The following SLC1A2 variants were observed in gnomAD, a reference collection of about 807,000 sequenced individuals.
SLC1A2 encodes the protein solute carrier family 1 member 2.
SLC1A2 carries 15 observed loss-of-function variants against 48.8 expected under a neutral mutation model. The ratio of observed to expected loss-of-function variants is 0.31; its 90% CI spans 0.21 to 0.47. SLC1A2 has a LOEUF of 0.47. Among genes scored for constraint, SLC1A2 ranks in the 20% least tolerant of loss-of-function variants. The pLI is 0.99. For missense variants in SLC1A2, 502 were observed against 730.5 expected (o/e 0.69, Z 3.61); for synonymous variants, 279 against 272.6 (o/e 1.02, Z -0.23).
intron 8 of SLC1A2, chr11:35,285,413 A>G (rs1318850426): frequency 6.6e-6 from 1 of 152,232 alleles, no homozygotes; most frequent in Non-Finnish European, 1.5e-5. Flanking sequence ...AGTGATTATC[A>G]TCATGGAGGA....
intron 1 of SLC1A2, among the ~76,000 whole-genome samples, chr11:35,414,826 A>C (rs1855562387): frequency 1.3e-5 from 2 of 152,270 alleles, no homozygotes; most frequent in African/African-American, 4.8e-5. Flanking sequence ...TAGTAGATTA[A>C]AATAATTGTA....
intron 6 of SLC1A2, among the ~76,000 whole-genome samples, chr11:35,300,530 C>A (rs1851318225): frequency 1.3e-5 from 2 of 152,200 alleles, no homozygotes; most frequent in Admixed American, 1.3e-4. Flanking sequence ...AGAGCACACA[C>A]AAAGGTGCCA....
At chr11:35,361,210 A>G (rs1853670561) in intron 1 of SLC1A2, among the ~76,000 whole-genome samples, 1 of 152,194 alleles carries the variant, frequency 6.6e-6, no homozygotes, top group South Asian at 2.1e-4. Context: ...GGGTCAAATC[A>G]GATTTGACAG....
intron 1 of SLC1A2, among the ~76,000 whole-genome samples, chr11:35,350,230 G>T (rs560012388): frequency 6.6e-6 from 1 of 152,336 alleles, no homozygotes; most frequent in African/African-American, 2.4e-5. Flanking sequence ...GAGGCTGAGT[G>T]AGCTTCTGCC....
chr11:35,323,237 C>T (rs1852136525), intron 1 of SLC1A2: 1 of 170,658 alleles, frequency 5.9e-6, no homozygotes, highest in Non-Finnish European at 1.3e-5. Flanking sequence ...TATAGCTATC[C>T]TGAATCATGA....
chr11:35,274,568 T>TGTGTGTGTGTGCATGTGC (rs1850381855), intron 9 of SLC1A2, among the ~76,000 whole-genome samples: 1 of 152,176 alleles, frequency 6.6e-6, no homozygotes, highest in Non-Finnish European at 1.5e-5. Context: ...AGTTTGTGTG[T>TGTGTGTGTGTGCATGTGC]GTGTGTGTGT....
chr11:35,257,142 T>C lies in SLC1A2; in HGVS notation c.*3752A>G, dbSNP rs1232330792. ...CTTTGCTCCAAAAGGGCTTCTTGAC[T>C]AGATACATATGCAAATGATGTATTT... On this transcript the variant is annotated 3_prime_UTR_variant, in exon 11 of 11. Transcript: ENST00000278379. 6.6e-6 allele frequency: 1 copy of C among 152,186 alleles called. No individual in the cohort carries two copies. The highest frequency in any genetic ancestry group is 2.4e-5 in the African/African-American group (1 of 41,452). The allele number at this position is 152,186 out of a possible 1,614,324, so 9.4% of individuals were successfully genotyped here.
At chr11:35,366,339 T>C (rs1853849342) in intron 1 of SLC1A2, among the ~76,000 whole-genome samples, 1 of 152,190 alleles carries the variant, frequency 6.6e-6, no homozygotes, top group African/African-American at 2.4e-5. Flanking sequence ...ACTGCTAGCA[T>C]CTATCTCTTT....
intron 1 of SLC1A2, among the ~76,000 whole-genome samples, chr11:35,358,302 T>G (rs1332826625): frequency 6.6e-6 from 1 of 152,238 alleles, no homozygotes; most frequent in Non-Finnish European, 1.5e-5. Flanking sequence ...TTTTCCCTTA[T>G]GCATACATTT....
intron 1 of SLC1A2, 111 bp downstream of exon 1, chr11:35,418,839 A>G: frequency 1.1e-6 from 1 of 931,444 alleles, no homozygotes; most frequent in Non-Finnish European, 1.7e-6. Context: ...CGGCTCCGCC[A>G]CCACCTCCGA....
chr11:35,361,074 C>G (rs1169253793), intron 1 of SLC1A2, among the ~76,000 whole-genome samples: 2 of 152,030 alleles, frequency 1.3e-5, no homozygotes, highest in Non-Finnish European at 2.9e-5. Context: ...TGGGGTTTCA[C>G]CATGTTGGCC....
intron 10 of SLC1A2, chr11:35,261,815 T>C: frequency 2.5e-6 from 1 of 398,330 alleles, no homozygotes; most frequent in Non-Finnish European, 4.4e-6. Context: ...GACTTTCTTC[T>C]TACCCAAGTG....
chr11:35,381,300 T>C (rs577672644), intron 1 of SLC1A2, among the ~76,000 whole-genome samples: 2 of 152,144 alleles, frequency 1.3e-5, no homozygotes, highest in Non-Finnish European at 2.9e-5. Context: ...CTGGGCCTCT[T>C]CCTAGAAGTA....
chr11:35,385,307 C>T (rs2135219135), intron 1 of SLC1A2, among the ~76,000 whole-genome samples: 1 of 152,288 alleles, frequency 6.6e-6, no homozygotes, highest in South Asian at 2.1e-4. Context: ...ATGACAAGCA[C>T]ATATCAGATG....
intron 1 of SLC1A2, among the ~76,000 whole-genome samples, chr11:35,364,050 A>G (rs1853766851): frequency 6.6e-6 from 1 of 152,182 alleles, no homozygotes; most frequent in South Asian, 2.1e-4. Flanking sequence ...CCATGCACAG[A>G]GGCTGGATTG....
At chr11:35,400,658 G>A (rs1855107085) in intron 1 of SLC1A2, among the ~76,000 whole-genome samples, 1 of 152,116 alleles carries the variant, frequency 6.6e-6, no homozygotes, top group Non-Finnish European at 1.5e-5. Context: ...GTATATCCAT[G>A]AAAAATCAAT....
rs1043101 is a variant in SLC1A2 at position 35,253,282 on chromosome 11, A to G, written c.*7612T>C. 0.33 allele frequency: 50,825 copies of G among 152,396 alleles called. 9,484 individuals carry two copies. The highest frequency in any genetic ancestry group is 0.53 in the South Asian group (2,572 of 4,808). The allele number at this position is 152,396 out of a possible 1,614,324, so 9.4% of individuals were successfully genotyped here. A position where few individuals can be genotyped will look rare whatever the true frequency, so the allele number is the denominator to read the frequency against. On this transcript the variant is annotated 3_prime_UTR_variant, in exon 11 of 11. Coordinates refer to ENST00000278379, the MANE Select transcript of SLC1A2 (RefSeq NM_004171.4). ...TTTTTTGTAAACTTTCTTTAAAAAT[A>G]TGTGCTCAATTCACATAACAATGTG...
chr11:35,364,137 A>G (rs979942391), intron 1 of SLC1A2, among the ~76,000 whole-genome samples: 1 of 152,204 alleles, frequency 6.6e-6, no homozygotes. Flanking sequence ...AAAGGGAGAG[A>G]AGACACTCCC....
At chr11:35,339,298 G>C (rs1381123686) in intron 1 of SLC1A2, among the ~76,000 whole-genome samples, 1 of 152,182 alleles carries the variant, frequency 6.6e-6, no homozygotes, top group African/African-American at 2.4e-5. Flanking sequence ...GGGCCCTTCT[G>C]TGTCAAGGAG....
Sources: allele counts gnomAD v4.1 joint callset (sites outside exome capture counted in the v4.1 genomes callset), GRCh38; gene constraint gnomAD v4.1.1; transcripts MANE v1.5; gene names NCBI Gene and HGNC (gene_info 2026-07-23, HGNC 2026-07-21).